The following DYM variants were observed in gnomAD, a reference collection of about 807,000 sequenced individuals.
DYM encodes the protein dyggve-Melchior-Clausen syndrome protein.
A neutral mutation model predicts 93.1 loss-of-function variants in DYM; 78 were observed. The ratio of observed to expected loss-of-function variants is 0.84; its 90% confidence interval spans 0.70 to 1.01. The LOEUF is 1.01. Among genes scored for constraint, DYM ranks in the 50% least tolerant of loss-of-function variants. The probability of loss-of-function intolerance (pLI) is 0.00; values close to 1 mark genes in which losing one functional copy is unlikely to be tolerated. For missense variants in DYM, 789 were observed against 845.0 expected, an observed-to-expected ratio of 0.93 and a Z score of 0.82; for synonymous variants, 321 against 319.7, an observed-to-expected ratio of 1.00 and a Z score of -0.04.
In DYM at chr18:49,344,512, T is replaced by TA. The variant is rs1477119927; in HGVS notation, c.495-10660dup. ...TTAGAGAAAACAAGAATTAATGCCT[T>TA]AAAAAAAATCTCCTTTTGATCTGAT... On this transcript the variant is annotated intron_variant, in intron 6 of 17. Coordinates refer to ENST00000675505, the MANE Select transcript of DYM (RefSeq NM_001353214.3). 7.2e-5 allele frequency among the ~76,000 whole-genome samples: 11 copies of TA among 152,028 alleles called. 1 individual carries two copies. Among genetic ancestry groups the TA allele is most frequent in the South Asian group, 4.1e-4 (2 of 4,822 alleles).
At chr18:49,235,703 C>T (rs2093838903) in intron 13 of DYM, among the ~76,000 whole-genome samples, 1 of 149,014 alleles carries the variant, frequency 6.7e-6, no homozygotes, top group Non-Finnish European at 1.5e-5. Context: ...CACACACCAG[C>T]AAAACAGGTG....
At chr18:49,218,163 A>G (rs1034263835) in intron 13 of DYM, among the ~76,000 whole-genome samples, 1 of 152,220 alleles carries the variant, frequency 6.6e-6, no homozygotes, top group African/African-American at 2.4e-5. Context: ...AAAGAAGGCC[A>G]TTACATAATG....
intron 5 of DYM, among the ~76,000 whole-genome samples, chr18:49,363,572 G>A (rs1294957972): frequency 6.6e-6 from 1 of 152,148 alleles, no homozygotes; most frequent in Non-Finnish European, 1.5e-5. Context: ...ATATGAAACA[G>A]ATAAAAATCA....
rs145606730 is a variant in DYM at position 49,337,606 on chromosome 18, C to T, written c.495-3753G>A. On this transcript the variant is annotated intron_variant, in intron 6 of 17. Coordinates refer to ENST00000675505, the MANE Select transcript of DYM (RefSeq NM_001353214.3). ...CACAGCAGTGACAAGAGATTGAGAA[C>T]ATCACAGCAGTGACAAGAGATTGAG... 5.3e-5 allele frequency among the ~76,000 whole-genome samples: 8 copies of T among 152,212 alleles called. No homozygotes were observed. The East Asian group carries it at 1.5e-3, about 29-fold the overall frequency.
chr18:49,365,585 T>A (rs2066447645), intron 5 of DYM, among the ~76,000 whole-genome samples: 1 of 152,172 alleles, frequency 6.6e-6, no homozygotes, highest in African/African-American at 2.4e-5. Flanking sequence ...CAATGTACGT[T>A]TGCTAAATGG....
At chr18:49,343,281 C>T (rs1460923794) in intron 6 of DYM, among the ~76,000 whole-genome samples, 1 of 152,160 alleles carries the variant, frequency 6.6e-6, no homozygotes, top group Non-Finnish European at 1.5e-5. Context: ...CTACCACATA[C>T]CCTCCCCATC....
At chr18:49,255,401 C>T (rs766356737) in intron 13 of DYM, among the ~76,000 whole-genome samples, 7 of 151,472 alleles carry the variant, frequency 4.6e-5, no homozygotes, top group East Asian at 2.0e-4. Context: ...AAAGCCTGGG[C>T]GCAGTGGCTC....
intron 5 of DYM, among the ~76,000 whole-genome samples, chr18:49,369,765 C>G (rs2066831044): frequency 6.7e-6 from 1 of 148,792 alleles, no homozygotes; most frequent in African/African-American, 2.5e-5. Context: ...TATATTGAAA[C>G]TGTTTTGTGC....
chr18:49,091,074 G>C (rs747495008), intron 17 of DYM, among the ~76,000 whole-genome samples: 13 of 152,122 alleles, frequency 8.5e-5, no homozygotes, highest in Non-Finnish European at 1.9e-4. Context: ...ATGGAGAGCT[G>C]TTCTTCAAAG....
At position 49,043,302 on chromosome 18, in the gene DYM, A is replaced by C. The variant is rs1177321976; in HGVS notation, c.*753T>G. 3 of 151,712 alleles carry C rather than the reference A, an allele frequency of 2.0e-5. No homozygotes were observed. The highest frequency in any genetic ancestry group is 1.5e-5 in the Non-Finnish European group (1 of 67,952). 9.4% of individuals were successfully genotyped at this position (151,712 alleles called of 1,614,324 possible). ...GTGCCATCATGCCTGGCTAATTTTT[A>C]AGTTTTTTGTAGAGATGGGATCTCA... On this transcript the variant is annotated 3_prime_UTR_variant, in exon 18 of 18. Coordinates refer to ENST00000675505, the MANE Select transcript of DYM (RefSeq NM_001353214.3).
intron 14 of DYM, among the ~76,000 whole-genome samples, chr18:49,185,856 A>G (rs2090384442): frequency 6.6e-6 from 1 of 152,154 alleles, no homozygotes; most frequent in Admixed American, 6.5e-5. Flanking sequence ...CTCATAGCCT[A>G]AGCACCATAT....
intron 1 of DYM, among the ~76,000 whole-genome samples, chr18:49,440,578 T>A (rs1289931857): frequency 0.5 from 10 of 20 alleles, no homozygotes; most frequent in Non-Finnish European, 0.5. Context: ...TATTATATAT[T>A]TATATAATAT....
At chr18:49,137,711 T>C (rs1209437051) in intron 15 of DYM, among the ~76,000 whole-genome samples, 1 of 152,192 alleles carries the variant, frequency 6.6e-6, no homozygotes, top group Non-Finnish European at 1.5e-5. Context: ...AAGCAAACCA[T>C]ACTTTCCCTA....
In DYM at chr18:49,149,881, AT is replaced by A; in HGVS notation, c.1728+13803del. Among the ~76,000 whole-genome samples the A allele has an allele frequency of 2.0e-5, 3 of 151,458 alleles. 1 individual carries two copies. ...ACCACCATGCCTAGCTAATTTTTGT[AT>A]TTTTTTAGTAGAGACGGGGTTTCAC... On this transcript the variant is annotated intron_variant, in intron 15 of 17. Transcript: ENST00000675505.
chr18:49,192,027 C>T lies in DYM; in HGVS notation c.1625+17524G>A, dbSNP rs149730985. ...TCATAGCTCACTGCAGCCTCAAACA[C>T]CTGGGCTCAAGCGATCCTCCTGCCT... is the stretch of plus-strand genomic sequence containing the variant. On this transcript the variant is annotated intron_variant, in intron 14 of 17. Transcript: ENST00000675505. 3.1e-3 allele frequency among the ~76,000 whole-genome samples: 468 copies of T among 151,994 alleles called. 4 individuals carry two copies. Among genetic ancestry groups the T allele is most frequent in the African/African-American group, 0.011 (458 of 41,462 alleles).
At chr18:49,243,332 C>G (rs765877241) in intron 13 of DYM, among the ~76,000 whole-genome samples, 15 of 151,990 alleles carry the variant, frequency 9.9e-5, no homozygotes, top group Non-Finnish European at 1.9e-4. Flanking sequence ...ATTATATGTC[C>G]CCTAAATACC....
chr18:49,347,908 T>A (rs571118444), intron 6 of DYM, among the ~76,000 whole-genome samples: 2 of 152,170 alleles, frequency 1.3e-5, no homozygotes, highest in Non-Finnish European at 2.9e-5. Flanking sequence ...CAAAACAAAG[T>A]CAACCTTAAA....
chr18:49,302,293 A>C (rs1363519787), intron 8 of DYM, among the ~76,000 whole-genome samples: 1 of 152,254 alleles, frequency 6.6e-6, no homozygotes, highest in African/African-American at 2.4e-5. Flanking sequence ...TTGCAACATT[A>C]AACAATGATA....
chr18:49,333,878 A>T (rs1266098553), intron 6 of DYM, 25 bp from the exon 7 acceptor site: 1 of 1,596,024 alleles, frequency 6.3e-7, no homozygotes, highest in South Asian at 1.1e-5. Flanking sequence ...AAACAGAGTA[A>T]CAGTCACTTT....
Sources: allele counts gnomAD v4.1 joint callset (sites outside exome capture counted in the v4.1 genomes callset), GRCh38; gene constraint gnomAD v4.1.1; transcripts MANE v1.5; gene names NCBI Gene and HGNC (gene_info 2026-07-23, HGNC 2026-07-21).